SUMF1: variants seen among roughly 807,000 people sequenced by gnomAD.
The protein encoded by SUMF1 is sulfatase modifying factor 1.
A neutral mutation model predicts 47.6 loss-of-function variants in SUMF1; 48 were observed. That is an observed-to-expected ratio of 1.01 (90% CI 0.80 to 1.28). The LOEUF is 1.28. Ranked by LOEUF, SUMF1 falls within the 50% of genes most tolerant of loss-of-function variation. The pLI, the probability that SUMF1 is intolerant of heterozygous loss-of-function variation, is 0.00. For synonymous variants in SUMF1, 230 were observed against 192.1 expected (o/e 1.20, Z -1.63); for missense variants, 571 against 485.4 (o/e 1.18, Z -1.66).
intron 8 of SUMF1, among the ~76,000 whole-genome samples, chr3:4,090,478 G>A (rs769926080): frequency 3.3e-5 from 5 of 152,072 alleles, no homozygotes; most frequent in Non-Finnish European, 5.9e-5. Context: ...GCTGGGATAG[G>A]CTCCAGCCAC....
chr3:4,228,975 G>C (rs1696236711), intron 8 of SUMF1, among the ~76,000 whole-genome samples: 1 of 152,238 alleles, frequency 6.6e-6, no homozygotes, highest in Non-Finnish European at 1.5e-5. Context: ...AGAAATGAGA[G>C]TCAAACCCAA....
intron 8 of SUMF1, among the ~76,000 whole-genome samples, chr3:4,259,538 G>C (rs796136589): frequency 7.9e-5 from 12 of 152,122 alleles, no homozygotes; most frequent in African/African-American, 2.9e-4. Context: ...AGGCTTTTGG[G>C]GATTGTAGTT....
At chr3:4,326,185 G>C (rs1391135213) in intron 8 of SUMF1, among the ~76,000 whole-genome samples, 1 of 152,132 alleles carries the variant, frequency 6.6e-6, no homozygotes, top group East Asian at 1.9e-4. Context: ...GTCACAGAAA[G>C]ACCAATTTAT....
In SUMF1 at chr3:4,466,985, C is replaced by G; in HGVS notation, c.261G>C (p.Ala87=). 1.2e-6 allele frequency: 2 copies of G among 1,602,690 alleles called. No homozygotes were observed. The highest frequency in any genetic ancestry group is 1.1e-5 in the South Asian group (1 of 89,356). The part of the protein sequence containing the change: ...PGPVPGERQL[A]HSKMVPIPAG... ...GGAATCGATGGAGCACCTTTGAGTG[C>G]GCGAGTTGCCGCTCTCCGGGTACGG... Residue 87 remains alanine (A), a synonymous_variant, in exon 1 of 9, where the codon GCG becomes GCC. Coordinates refer to ENST00000272902, the MANE Select transcript of SUMF1 (RefSeq NM_182760.4).
Position 4,452,897 on chromosome 3 carries a change from G to A in SUMF1, c.423C>T (p.Asn141=), listed in dbSNP as rs200479972. ...VSNTEFEKFV[N]STGYLTEAEK... is the part of the protein sequence containing the mutation. ...TTACCTCTGTCAAATAGCCAGTTGA[G>A]TTCACAAACTTCTCAAATTCAGTAT... The change falls in exon 2 of 9, where the codon AAC becomes AAT. Residue 141 remains asparagine, a synonymous_variant. Coordinates refer to ENST00000272902, the MANE Select transcript of SUMF1 (RefSeq NM_182760.4). 1 of 1,614,166 alleles carries A rather than the reference G, an allele frequency of 6.2e-7. No homozygotes were observed. Among genetic ancestry groups the A allele is most frequent in the East Asian group, 2.2e-5 (1 of 44,888 alleles).
At chr3:4,414,547 C>G (rs1043576443) in intron 6 of SUMF1, 2 of 152,216 alleles carry the variant, frequency 1.3e-5, no homozygotes, top group African/African-American at 4.8e-5. Flanking sequence ...ACACAGATGG[C>G]AGCTGTCTCT....
At chr3:4,104,211 A>C (rs1360422352) in intron 8 of SUMF1, among the ~76,000 whole-genome samples, 1 of 151,982 alleles carries the variant, frequency 6.6e-6, no homozygotes, top group Non-Finnish European at 1.5e-5. Flanking sequence ...GTCTTACAAG[A>C]TCTGATGGTT....
Position 4,336,317 on chromosome 3 carries a change from T to C in SUMF1, c.1014+40013A>G, listed in dbSNP as rs185395470. Among the ~76,000 whole-genome samples, 178 of 152,314 alleles carry C rather than the reference T, an allele frequency of 1.2e-3. 1 individual carries two copies. Among genetic ancestry groups the C allele is most frequent in the South Asian group, 2.3e-3 (11 of 4,828 alleles). Reference sequence around the variant, plus strand: ...GGTTACAGTCTTGTGAGGGTCTGATTAGCTTCACTGAATCTACATTTTACA... The same window carrying C: ...GGTTACAGTCTTGTGAGGGTCTGATCAGCTTCACTGAATCTACATTTTACA... On this transcript the variant is annotated intron_variant and NMD_transcript_variant, in intron 8 of 12. Transcript: ENST00000448413.
chr3:4,325,563 GTA>G (rs78748362), intron 8 of SUMF1, among the ~76,000 whole-genome samples: 32,963 of 149,762 alleles, frequency 0.22, 4,532 homozygotes, highest in African/African-American at 0.4. Context: ...GTCTGTGTGT[GTA>G]TATATATATA....
intron 8 of SUMF1, among the ~76,000 whole-genome samples, chr3:4,172,865 C>T (rs1482838296): frequency 6.6e-6 from 1 of 152,130 alleles, no homozygotes; most frequent in Admixed American, 6.5e-5. Context: ...TAATTAGATC[C>T]CATTTGTCAA....
intron 3 of SUMF1, among the ~76,000 whole-genome samples, chr3:4,438,547 G>A (rs1702476349): frequency 6.6e-6 from 1 of 152,132 alleles, no homozygotes; most frequent in Non-Finnish European, 1.5e-5. Context: ...GGCCAGTTGA[G>A]CCAGAACCCC....
At chr3:4,093,372 C>T (rs1258772395) in intron 8 of SUMF1, among the ~76,000 whole-genome samples, 2 of 152,058 alleles carry the variant, frequency 1.3e-5, no homozygotes, top group African/African-American at 2.4e-5. Context: ...AAAACTCTCA[C>T]TCTGAAGACC....
intron 8 of SUMF1, among the ~76,000 whole-genome samples, chr3:4,334,436 C>T (rs1034399114): frequency 2.0e-5 from 3 of 152,134 alleles, no homozygotes; most frequent in Admixed American, 6.5e-5. Flanking sequence ...TAGAATCACC[C>T]CAAAGACAGC....
At chr3:4,240,963 C>G (rs1696524204) in intron 8 of SUMF1, among the ~76,000 whole-genome samples, 1 of 151,844 alleles carries the variant, frequency 6.6e-6, no homozygotes, top group East Asian at 1.9e-4. Flanking sequence ...TAGGCCAAAC[C>G]AAAGATACGA....
chr3:4,454,048 TATA>T (rs1248202874), intron 1 of SUMF1, among the ~76,000 whole-genome samples: 1 of 152,210 alleles, frequency 6.6e-6, no homozygotes, highest in African/African-American at 2.4e-5. Flanking sequence ...AAATGCAATC[TATA>T]ATATCTTTAA....
At chr3:4,224,545 C>CT (rs772835913) in intron 8 of SUMF1, among the ~76,000 whole-genome samples, 1 of 151,818 alleles carries the variant, frequency 6.6e-6, no homozygotes, top group Non-Finnish European at 1.5e-5. Context: ...TCCAGGGATC[C>CT]TACTCAAAAT....
intron 8 of SUMF1, among the ~76,000 whole-genome samples, chr3:4,270,963 G>A (rs1224136582): frequency 6.6e-6 from 1 of 152,190 alleles, no homozygotes; most frequent in Admixed American, 6.5e-5. Context: ...TATGCTATTT[G>A]TGAAGGCAAC....
chr3:4,421,760 C>CT (rs1362184091), intron 3 of SUMF1, among the ~76,000 whole-genome samples: 80 of 152,286 alleles, frequency 5.3e-4, no homozygotes, highest in Middle Eastern at 3.4e-3. Flanking sequence ...GCTGGGATTA[C>CT]AGGTGTAAGC....
intron 8 of SUMF1, among the ~76,000 whole-genome samples, chr3:4,176,267 A>G (rs1694958447): frequency 6.6e-6 from 1 of 152,178 alleles, no homozygotes; most frequent in Admixed American, 6.5e-5. Flanking sequence ...TGAAGGAAAA[A>G]GTATTAAGGG....
Sources: gnomAD v4.1 joint callset for allele counts (sites outside exome capture counted in the v4.1 genomes callset) on GRCh38, gnomAD v4.1.1 for gene constraint, MANE v1.5 for transcripts, NCBI Gene and HGNC (gene_info 2026-07-23, HGNC 2026-07-21) for gene names.